The following COL25A1 variants were observed in gnomAD, a reference collection of about 807,000 sequenced individuals.
COL25A1 encodes collagen alpha-1(XXV) chain.
In COL25A1, 103 loss-of-function variants were observed where a neutral mutation model predicts 128.4. That is an observed-to-expected ratio of 0.80 (90% CI 0.68 to 0.94). COL25A1 has a LOEUF of 0.94. Among genes scored for constraint, COL25A1 ranks in the 40% least tolerant of loss-of-function variants. COL25A1 has a pLI of 0.00. For missense variants in COL25A1, 745 were observed against 840.0 expected (o/e 0.89, Z 1.40); for synonymous variants, 279 against 277.2 (o/e 1.01, Z -0.06).
intron 3 of COL25A1, among the ~76,000 whole-genome samples, chr4:109,268,169 T>C (rs2126261928): frequency 6.6e-6 from 1 of 152,352 alleles, no homozygotes; most frequent in South Asian, 2.1e-4. Context: ...AAAGCACAAT[T>C]ACTTTTGTCA....
chr4:109,283,397 C>T (rs1258622764), intron 3 of COL25A1, among the ~76,000 whole-genome samples: 1 of 152,074 alleles, frequency 6.6e-6, no homozygotes, highest in Non-Finnish European at 1.5e-5. Context: ...CCGGCATGTG[C>T]CACCATACCA....
intron 3 of COL25A1, among the ~76,000 whole-genome samples, chr4:109,212,350 C>T (rs544958011): frequency 1.3e-5 from 2 of 152,040 alleles, no homozygotes; most frequent in African/African-American, 2.4e-5. Flanking sequence ...GTTCAGCTGA[C>T]CTGACAACCA....
At chr4:108,960,110 T>C (rs1016409033) in intron 8 of COL25A1, among the ~76,000 whole-genome samples, 1 of 152,096 alleles carries the variant, frequency 6.6e-6, no homozygotes, top group South Asian at 2.1e-4. Context: ...TTCAGAAAAT[T>C]CACTTTGTCA....
chr4:109,150,271 AGT>A (rs1316294938), intron 3 of COL25A1, among the ~76,000 whole-genome samples: 1 of 152,120 alleles, frequency 6.6e-6, no homozygotes, highest in African/African-American at 2.4e-5. Flanking sequence ...GTCTAGCCCC[AGT>A]GTGATTCTTA....
intron 32 of COL25A1, among the ~76,000 whole-genome samples, chr4:108,829,170 C>T (rs981145702): frequency 6.6e-6 from 1 of 152,078 alleles, no homozygotes; most frequent in Non-Finnish European, 1.5e-5. Flanking sequence ...TAAAAAATAT[C>T]TACAGCATAT....
intron 3 of COL25A1, among the ~76,000 whole-genome samples, chr4:109,100,916 T>C (rs1234975825): frequency 6.6e-6 from 1 of 152,294 alleles, no homozygotes; most frequent in Non-Finnish European, 1.5e-5. Flanking sequence ...GTGATGGTTA[T>C]GAAAAGGTGA....
At chr4:109,177,005 C>T (rs1024146161) in intron 3 of COL25A1, among the ~76,000 whole-genome samples, 1 of 152,120 alleles carries the variant, frequency 6.6e-6, no homozygotes, top group African/African-American at 2.4e-5. Flanking sequence ...GTTAAGCCAC[C>T]GAGTTTGTGG....
intron 3 of COL25A1, among the ~76,000 whole-genome samples, chr4:109,287,975 C>A (rs902122532): frequency 6.6e-6 from 1 of 152,050 alleles, no homozygotes; most frequent in Non-Finnish European, 1.5e-5. Context: ...GAAGCAACAA[C>A]ACATGCATGA....
In COL25A1 at chr4:108,810,311, A is replaced by C. The variant is rs1365102780; in HGVS notation, c.*3616T>G. 9 of 151,992 alleles carry C rather than the reference A, an allele frequency of 5.9e-5. 1 individual carries two copies. Among genetic ancestry groups the C allele is most frequent in the Admixed American group, 5.9e-4 (9 of 15,272 alleles). The allele number at this position is 151,992 out of a possible 1,614,324, so 9.4% of individuals were successfully genotyped here. A position where few individuals can be genotyped will look rare whatever the true frequency, so the allele number is the denominator to read the frequency against. On this transcript the variant is annotated 3_prime_UTR_variant, in exon 38 of 38. Transcript: ENST00000399132. ...TTGACAATTTTCTAAACTAGCACATATGTCTATATAGATAGATAGTTAGAC... is the reference window on the plus strand; with the variant it reads ...TTGACAATTTTCTAAACTAGCACATCTGTCTATATAGATAGATAGTTAGAC...
chr4:109,042,943 C>T (rs3096469), intron 5 of COL25A1, among the ~76,000 whole-genome samples: 150,263 of 152,186 alleles, frequency 0.99, 74,204 homozygotes, highest in East Asian at 1. Context: ...TAGGATAAGA[C>T]ACAACAAAGA....
chr4:108,996,482 G>A (rs971046968), intron 6 of COL25A1, among the ~76,000 whole-genome samples: 1 of 152,096 alleles, frequency 6.6e-6, no homozygotes, highest in Non-Finnish European at 1.5e-5. Context: ...CACATCCTTA[G>A]AGACCTACAA....
At chr4:109,111,889 A>G (rs1335345723) in intron 3 of COL25A1, among the ~76,000 whole-genome samples, 1 of 152,168 alleles carries the variant, frequency 6.6e-6, no homozygotes, top group Non-Finnish European at 1.5e-5. Context: ...GATTGAAGGG[A>G]AATAAAATGG....
At chr4:109,165,664 C>T (rs112625059) in intron 3 of COL25A1, among the ~76,000 whole-genome samples, 3,549 of 152,228 alleles carry the variant, frequency 0.023, 123 homozygotes, top group African/African-American at 0.073. Flanking sequence ...CTGCAGTGAG[C>T]TATGATCATG....
At chr4:108,942,067 CA>C in intron 8 of COL25A1, 1 of 705,274 alleles carries the variant, frequency 1.4e-6, no homozygotes, top group Non-Finnish European at 2.4e-6. Context: ...CTCAATGATG[CA>C]AGTGGGGTCC....
intron 13 of COL25A1, among the ~76,000 whole-genome samples, chr4:108,911,538 A>T (rs1744223321): frequency 6.6e-6 from 1 of 152,208 alleles, no homozygotes; most frequent in African/African-American, 2.4e-5. Context: ...CTGTAAACTC[A>T]GTGTTCAGTT....
intron 6 of COL25A1, among the ~76,000 whole-genome samples, chr4:108,984,083 AGG>A (rs1404140593): frequency 6.6e-6 from 1 of 151,966 alleles, no homozygotes; most frequent in East Asian, 1.9e-4. Flanking sequence ...AGGTTCTCCA[AGG>A]CCGCACCAGA....
intron 24 of COL25A1, among the ~76,000 whole-genome samples, chr4:108,855,509 T>A (rs934471784): frequency 6.6e-6 from 1 of 152,116 alleles, no homozygotes; most frequent in African/African-American, 2.4e-5. Flanking sequence ...AACAGGATCA[T>A]AAAGCCCTAA....
chr4:109,013,724 T>C (rs568704678), intron 5 of COL25A1, among the ~76,000 whole-genome samples: 26 of 152,116 alleles, frequency 1.7e-4, no homozygotes, highest in African/African-American at 6.3e-4. Flanking sequence ...GTCTGCAGCT[T>C]CACTCCCGAA....
At chr4:109,083,618 A>G (rs1397649055) in intron 3 of COL25A1, among the ~76,000 whole-genome samples, 4 of 151,632 alleles carry the variant, frequency 2.6e-5, no homozygotes, top group Non-Finnish European at 4.4e-5. Flanking sequence ...ACCCGCTACC[A>G]CGCCCGGCTA....
Sources: gnomAD v4.1 joint callset for allele counts (sites outside exome capture counted in the v4.1 genomes callset) on GRCh38, gnomAD v4.1.1 for gene constraint, MANE v1.5 for transcripts, NCBI Gene and HGNC (gene_info 2026-07-23, HGNC 2026-07-21) for gene names.